The following BNC1 variants were observed in gnomAD, a reference collection of about 807,000 sequenced individuals.
BNC1 encodes the protein zinc finger protein basonuclin-1.
Under a neutral mutation model 66.5 loss-of-function variants are expected in BNC1, and 8 were observed. The ratio of observed to expected loss-of-function variants is 0.12; its 90% CI spans 0.07 to 0.22. The LOEUF (loss-of-function observed/expected upper bound fraction) is 0.22, where lower values mean the gene tolerates loss of function less well. Ranked by LOEUF, BNC1 falls within the 10% of genes least tolerant of loss-of-function variation. The pLI, the probability that BNC1 is intolerant of heterozygous loss-of-function variation, is 1.00. For missense variants in BNC1, 1,069 were observed against 1,241.3 expected, an observed-to-expected ratio of 0.86 and a Z score of 2.09; for synonymous variants, 454 against 452.6, an observed-to-expected ratio of 1.00 and a Z score of -0.04.
At chr15:83,274,848 G>C (rs2038303997) in intron 1 of BNC1, among the ~76,000 whole-genome samples, 1 of 152,166 alleles carries the variant, frequency 6.6e-6, no homozygotes, top group Non-Finnish European at 1.5e-5. Context: ...GAACTTACAG[G>C]CTACTGGGAT....
chr15:83,274,908 T>C (rs2038304734), intron 1 of BNC1, among the ~76,000 whole-genome samples: 1 of 152,212 alleles, frequency 6.6e-6, no homozygotes, highest in Non-Finnish European at 1.5e-5. Flanking sequence ...AATATCAGTA[T>C]TTGGTGCTAA....
intron 1 of BNC1, among the ~76,000 whole-genome samples, chr15:83,280,015 CT>C (rs1483928362): frequency 6.6e-6 from 1 of 152,156 alleles, no homozygotes; most frequent in African/African-American, 2.4e-5. Context: ...AGTTCAAAGA[CT>C]GTGATGGGGA....
intron 1 of BNC1, among the ~76,000 whole-genome samples, chr15:83,273,979 T>C (rs886527431): frequency 3.3e-5 from 5 of 152,322 alleles, no homozygotes; most frequent in Admixed American, 6.5e-5. Context: ...TCACTGAAGA[T>C]AAACCCAGGG....
chr15:83,261,463 C>A (rs1180298798), intron 4 of BNC1, among the ~76,000 whole-genome samples: 1 of 152,218 alleles, frequency 6.6e-6, no homozygotes, highest in African/African-American at 2.4e-5. Flanking sequence ...AAGCTTGTTT[C>A]TGCAAATGTA....
At chr15:83,277,865 C>T (rs2038342109) in intron 1 of BNC1, among the ~76,000 whole-genome samples, 1 of 152,138 alleles carries the variant, frequency 6.6e-6, no homozygotes, top group African/African-American at 2.4e-5. Flanking sequence ...ATTCTCTACC[C>T]CACTGCTCTT....
rs2038076716 is a variant in BNC1 at position 83,256,619 on chromosome 15, G to A, written c.*823C>T. 6.6e-6 allele frequency: 1 copy of A among 152,228 alleles called. No individual in the cohort carries two copies. Among genetic ancestry groups the A allele is most frequent in the African/African-American group, 2.4e-5 (1 of 41,452 alleles). The allele number at this position is 152,228 out of a possible 1,614,324, so 9.4% of individuals were successfully genotyped here. A position where few individuals can be genotyped will look rare whatever the true frequency, so the allele number is the denominator to read the frequency against. ...TTTGAAGTTCACCAAATGAAAACGA[G>A]CAGTGATTTTGACATTTAGGTCATC... On this transcript the variant is annotated 3_prime_UTR_variant, in exon 5 of 5. Transcript: ENST00000345382.
Position 83,257,374 on chromosome 15 carries a change from T to G in BNC1, c.*68A>C. The G allele has an allele frequency of 6.8e-7, 1 of 1,474,190 alleles. No individual in the cohort carries two copies. The highest frequency in any genetic ancestry group is 9.2e-7 in the Non-Finnish European group (1 of 1,088,942). 91.3% of individuals were successfully genotyped at this position (1,474,190 alleles called of 1,614,324 possible). On this transcript the variant is annotated 3_prime_UTR_variant, in exon 5 of 5. Transcript: ENST00000345382. ...CCCAAATGATATGAAACAGAAACAT[T>G]TCTATGGACTACTTTATTCCTGAAT...
chr15:83,280,108 AAATT>A (rs1380222523), intron 1 of BNC1, among the ~76,000 whole-genome samples: 10 of 152,168 alleles, frequency 6.6e-5, no homozygotes, highest in African/African-American at 2.2e-4. Flanking sequence ...TTTTTTCTTA[AAATT>A]ATTAGTTTCA....
At position 83,264,351 on chromosome 15, in the gene BNC1, T is replaced by C; in HGVS notation, c.900A>G (p.Glu300=). Reference sequence around the variant, plus strand: ...CCGGACAGTTTAAACACTGATCTTTTTCAACCTGAAATGGTGTGGAACTGG... The same window carrying C: ...CCGGACAGTTTAAACACTGATCTTTCTCAACCTGAAATGGTGTGGAACTGG... ...LTSSSTPFQV[E]KDQCLNCPDA... is the part of the protein sequence containing the mutation. Residue 300 remains glutamate, a synonymous_variant, in exon 4 of 5, where the codon GAA becomes GAG. Transcript: ENST00000345382. 6.2e-7 allele frequency: 1 copy of C among 1,614,236 alleles called. No homozygotes were observed. The highest frequency in any genetic ancestry group is 8.5e-7 in the Non-Finnish European group (1 of 1,180,040).
intron 1 of BNC1, among the ~76,000 whole-genome samples, chr15:83,275,521 G>GCTATGCTAA (rs1419911115): frequency 6.6e-6 from 1 of 150,446 alleles, no homozygotes; most frequent in Non-Finnish European, 1.5e-5. Context: ...TAAGAAGAAA[G>GCTATGCTAA]CTATGCTAAT....
chr15:83,270,214 G>GAGCCACTGCGCCTGGCCTC (rs2038256641), intron 1 of BNC1, among the ~76,000 whole-genome samples: 1 of 152,156 alleles, frequency 6.6e-6, no homozygotes, highest in African/African-American at 2.4e-5. Flanking sequence ...CATTTAAGGT[G>GAGCCACTGCGCCTGGCCTC]TACAATTCAA....
intron 1 of BNC1, among the ~76,000 whole-genome samples, chr15:83,278,345 A>G (rs188900695): frequency 6.6e-6 from 1 of 152,362 alleles, no homozygotes; most frequent in Admixed American, 6.5e-5. Flanking sequence ...AGTAATTGCC[A>G]GTGTCTGACA....
intron 1 of BNC1, 46 bp from the exon 2 acceptor site, chr15:83,268,278 G>T: frequency 6.7e-7 from 1 of 1,481,780 alleles, no homozygotes; most frequent in Non-Finnish European, 9.4e-7. Context: ...TAAGTGATGT[G>T]TGAAACATTC....
intron 1 of BNC1, chr15:83,283,132 A>T: frequency 6.5e-7 from 1 of 1,535,332 alleles, no homozygotes; most frequent in East Asian, 2.4e-5. Flanking sequence ...CATTCCACTT[A>T]ACTGTCAGAC....
At chr15:83,262,291 T>C (rs571292884) in intron 4 of BNC1, among the ~76,000 whole-genome samples, 1 of 152,224 alleles carries the variant, frequency 6.6e-6, no homozygotes, top group East Asian at 1.9e-4. Flanking sequence ...GACCTTGTGA[T>C]CTGCCCGCCC....
At chr15:83,277,603 C>G (rs980934467) in intron 1 of BNC1, among the ~76,000 whole-genome samples, 1 of 152,202 alleles carries the variant, frequency 6.6e-6, no homozygotes, top group Admixed American at 6.5e-5. Flanking sequence ...GCCACCGCGC[C>G]TGGCCAGTTT....
At chr15:83,265,740 T>C (rs1005932392) in intron 3 of BNC1, among the ~76,000 whole-genome samples, 1 of 152,188 alleles carries the variant, frequency 6.6e-6, no homozygotes, top group Admixed American at 6.5e-5. Context: ...GTACAAATTC[T>C]GGGTCTGCCA....
rs1356517192 is a variant in BNC1 at position 83,284,569 on chromosome 15, G to A, written c.60C>T (p.Arg20=). The part of the protein sequence containing the change: ...GRGAARARET[R]RQPRHRSGRR... ...GACCGCTGCGGTGCCGGGGCTGCCG[G>A]CGCGTCTCCCGGGCCCGGGCCGCCC... Residue 20 remains arginine (R), a synonymous_variant, in exon 1 of 5, where the codon CGC becomes CGT. Transcript: ENST00000345382. The A allele has an allele frequency of 1.8e-6, 2 of 1,090,226 alleles. No homozygotes were observed. Among genetic ancestry groups the A allele is most frequent in the South Asian group, 3.6e-5 (1 of 27,930 alleles). 67.5% of individuals were successfully genotyped at this position (1,090,226 alleles called of 1,614,324 possible).
chr15:83,276,234 C>T (rs1311136457), intron 1 of BNC1, among the ~76,000 whole-genome samples: 5 of 152,202 alleles, frequency 3.3e-5, no homozygotes, highest in South Asian at 2.1e-4. Flanking sequence ...GTAAGTTCTT[C>T]GGTCTTCTGG....
Sources: allele counts gnomAD v4.1 joint callset (sites outside exome capture counted in the v4.1 genomes callset), GRCh38; gene constraint gnomAD v4.1.1; transcripts MANE v1.5; gene names NCBI Gene and HGNC (gene_info 2026-07-23, HGNC 2026-07-21).